The following RNF130 variants were observed in gnomAD, a reference collection of about 807,000 sequenced individuals.
RNF130 encodes E3 ubiquitin-protein ligase RNF130.
A neutral mutation model predicts 44.6 loss-of-function variants in RNF130; 21 were observed. The observed-to-expected ratio is 0.47, with a 90% CI of 0.33 to 0.68. The LOEUF (loss-of-function observed/expected upper bound fraction) is 0.68, where lower values mean the gene tolerates loss of function less well. Ranked by LOEUF, RNF130 falls within the 30% of genes least tolerant of loss-of-function variation. The probability of loss-of-function intolerance (pLI) is 0.02; values close to 1 mark genes in which losing one functional copy is unlikely to be tolerated. For synonymous variants in RNF130, 214 were observed against 210.4 expected, an observed-to-expected ratio of 1.02 and a Z score of -0.15; for missense variants, 479 against 560.6, an observed-to-expected ratio of 0.85 and a Z score of 1.47.
At chr5:179,929,414 A>C (rs552335408) in intron 7 of RNF130, among the ~76,000 whole-genome samples, 3 of 152,194 alleles carry the variant, frequency 2.0e-5, no homozygotes, top group Non-Finnish European at 1.5e-5. Flanking sequence ...TATTCTTCAA[A>C]ATGTTCTTGT....
In RNF130 at chr5:180,040,505, T is replaced by C; in HGVS notation, c.390A>G (p.Val130=). 6 of 1,614,218 alleles carry C rather than the reference T, an allele frequency of 3.7e-6. No homozygotes were observed. Among genetic ancestry groups the C allele is most frequent in the Non-Finnish European group, 5.1e-6 (6 of 1,180,036 alleles). Reference sequence around the variant, plus strand: ...CTTTGGATTTATTATTGTAGATGACTACAGCAACTGCATTGTGGAAAGCGG... The same window carrying C: ...CTTTGGATTTATTATTGTAGATGACCACAGCAACTGCATTGTGGAAAGCGG... ...SRAAFHNAVA[V]VIYNNKSKEE... The change falls in exon 2 of 9, where the codon GTA becomes GTG. Residue 130 remains valine (V), a synonymous_variant. Coordinates refer to ENST00000521389, the MANE Select transcript of RNF130 (RefSeq NM_018434.6).
chr5:179,935,680 T>C (rs1230260164), intron 7 of RNF130, among the ~76,000 whole-genome samples: 2 of 152,126 alleles, frequency 1.3e-5, no homozygotes, highest in Non-Finnish European at 2.9e-5. Flanking sequence ...TTCCTCTTCT[T>C]TTGGATGACT....
At chr5:179,969,555 C>T (rs1225335968) in intron 6 of RNF130, among the ~76,000 whole-genome samples, 1 of 152,050 alleles carries the variant, frequency 6.6e-6, no homozygotes, top group African/African-American at 2.4e-5. Flanking sequence ...TACTCATCGA[C>T]CAACAGAAGC....
At chr5:180,062,885 G>A (rs776994171) in intron 1 of RNF130, among the ~76,000 whole-genome samples, 1 of 152,178 alleles carries the variant, frequency 6.6e-6, no homozygotes, top group Non-Finnish European at 1.5e-5. Context: ...CAGAACCCAA[G>A]AATTTTTGTA....
chr5:180,014,325 C>T (rs1040313686), intron 2 of RNF130, among the ~76,000 whole-genome samples: 2 of 152,178 alleles, frequency 1.3e-5, no homozygotes, highest in Non-Finnish European at 2.9e-5. Flanking sequence ...AACAGAGAAA[C>T]TTCTATCAAT....
intron 3 of RNF130, among the ~76,000 whole-genome samples, chr5:179,987,351 G>A (rs1762978550): frequency 6.6e-6 from 1 of 152,068 alleles, no homozygotes; most frequent in Non-Finnish European, 1.5e-5. Flanking sequence ...TATTTCTTGT[G>A]GAGAAAGGGG....
chr5:180,030,584 G>A (rs1187572238), intron 2 of RNF130, among the ~76,000 whole-genome samples: 1 of 152,030 alleles, frequency 6.6e-6, no homozygotes, highest in Non-Finnish European at 1.5e-5. Flanking sequence ...TGTTGCCCAG[G>A]CTTAGACTTG....
chr5:180,002,318 G>A (rs1383312362), intron 3 of RNF130, among the ~76,000 whole-genome samples: 3 of 152,236 alleles, frequency 2.0e-5, no homozygotes, highest in East Asian at 3.8e-4. Context: ...CCGAGGAACA[G>A]AGCCAACAGT....
chr5:180,006,914 G>C (rs1443858641), intron 3 of RNF130, among the ~76,000 whole-genome samples: 1 of 152,158 alleles, frequency 6.6e-6, no homozygotes, highest in East Asian at 1.9e-4. Context: ...ATAGTAATTA[G>C]ATACATTCTG....
Position 180,071,546 on chromosome 5 carries a change from T to C in RNF130, c.157A>G (p.Thr53Ala), listed in dbSNP as rs1765266674. 2 of 1,412,874 alleles carry C rather than the reference T, an allele frequency of 1.4e-6. No homozygotes were observed. Among genetic ancestry groups the C allele is most frequent in the African/African-American group, 1.5e-5 (1 of 68,288 alleles). 87.5% of individuals were successfully genotyped at this position (1,412,874 alleles called of 1,614,324 possible). The change falls in exon 1 of 9, where the codon ACG becomes GCG. Residue 53 changes from threonine (T) to alanine (A), a missense_variant. Physicochemically the swap from Thr to Ala is moderately conservative, Grantham distance 58. Transcript: ENST00000521389. Reference protein sequence around the residue: ...VQEPGRGAPLTFRIDRGRYGL... With the variant: ...VQEPGRGAPLAFRIDRGRYGL... The stretch of plus-strand genomic sequence containing the variant: ...TAGCGCCCGCGGTCGATGCGAAACG[T>C]GAGCGGGGCGCCGCGGCCGGGCTCC...
intron 3 of RNF130, among the ~76,000 whole-genome samples, chr5:179,990,494 G>A (rs1371474116): frequency 6.6e-6 from 1 of 152,230 alleles, no homozygotes; most frequent in Non-Finnish European, 1.5e-5. Context: ...CAGGGAGATG[G>A]TTAGGCCTCC....
At chr5:180,006,296 A>G (rs992995734) in intron 3 of RNF130, among the ~76,000 whole-genome samples, 2 of 111,878 alleles carry the variant, frequency 1.8e-5, no homozygotes, top group Non-Finnish European at 4.2e-5. Context: ...AATGTGGAAG[A>G]AAAAAAAAAA....
rs374588204 is a variant in RNF130 at position 180,058,932 on chromosome 5, T to C, written c.247+12524A>G. ...TAGATGGGTCGCACAACAGTGGAAA[T>C]GTACTTACCATGACTTAACAGTTAG... is the stretch of plus-strand genomic sequence containing the variant. On this transcript the variant is annotated intron_variant, in intron 1 of 8. Transcript: ENST00000521389. Among the ~76,000 whole-genome samples the C allele has an allele frequency of 1.6e-4, 24 of 152,292 alleles. No homozygotes were observed. The South Asian group carries it at 4.8e-3, about 30-fold the overall frequency.
intron 3 of RNF130, among the ~76,000 whole-genome samples, chr5:179,999,630 T>C (rs1763288604): frequency 6.6e-6 from 1 of 151,790 alleles, no homozygotes; most frequent in African/African-American, 2.4e-5. Context: ...GGCAGGAGAG[T>C]TGTTTGAACC....
At chr5:179,926,421 G>A (rs547879800) in intron 7 of RNF130, among the ~76,000 whole-genome samples, 4 of 152,230 alleles carry the variant, frequency 2.6e-5, no homozygotes, top group Admixed American at 6.5e-5. Flanking sequence ...CGAGGCAGGC[G>A]GATCACCTGA....
chr5:179,947,533 T>C (rs148548615), intron 7 of RNF130, among the ~76,000 whole-genome samples: 36 of 152,358 alleles, frequency 2.4e-4, no homozygotes, highest in African/African-American at 8.7e-4. Flanking sequence ...GGCCAGCTTA[T>C]GTGTTGAAAT....
In RNF130 at chr5:179,967,004, A is replaced by T. The variant is rs767558093; in HGVS notation, c.952T>A (p.Leu318Met). 1.2e-5 allele frequency: 20 copies of T among 1,610,380 alleles called. No homozygotes were observed. The highest frequency in any genetic ancestry group is 1.6e-5 in the Non-Finnish European group (19 of 1,178,462). ...AATGCTACGTTATCAGTACATGGCA[A>T]ATTCGGCTGCAAAATATTTCCAGGT... is the stretch of plus-strand genomic sequence containing the variant. ...ILKALGIVPNLPCTDNVAFDM... is the reference protein window; with the variant it reads ...ILKALGIVPNMPCTDNVAFDM... Residue 318 changes from leucine to methionine, a missense_variant, in exon 7 of 9, where the codon TTG becomes ATG. Leu to Met is a conservative substitution (Grantham distance 15). Coordinates refer to ENST00000521389, the MANE Select transcript of RNF130 (RefSeq NM_018434.6).
At chr5:180,016,661 T>C (rs902343626) in intron 2 of RNF130, among the ~76,000 whole-genome samples, 6 of 152,246 alleles carry the variant, frequency 3.9e-5, no homozygotes, top group African/African-American at 1.4e-4. Flanking sequence ...CAGGAACTTC[T>C]GTTTCCACAC....
At chr5:179,959,715 T>TTA (rs1025043535) in intron 8 of RNF130, among the ~76,000 whole-genome samples, 5 of 152,170 alleles carry the variant, frequency 3.3e-5, no homozygotes, top group African/African-American at 1.2e-4. Context: ...ATAAAGGAGT[T>TTA]TATATATATA....
Sources: gnomAD v4.1 joint callset for allele counts (sites outside exome capture counted in the v4.1 genomes callset) on GRCh38, gnomAD v4.1.1 for gene constraint, MANE v1.5 for transcripts, NCBI Gene and HGNC (gene_info 2026-07-23, HGNC 2026-07-21) for gene names.